Variants in COL25A1 observed in about 807,000 individuals in gnomAD.
COL25A1 encodes the protein collagen type XXV alpha 1 chain, also known as collagen alpha-1(XXV) chain.
Under a neutral mutation model 128.4 loss-of-function variants are expected in COL25A1, and 103 were observed. The observed-to-expected ratio is 0.80, with a 90% CI of 0.68 to 0.94. COL25A1 has a LOEUF of 0.94. Among genes scored for constraint, COL25A1 ranks in the 40% least tolerant of loss-of-function variants. The pLI is 0.00. For synonymous variants in COL25A1, 279 were observed against 277.2 expected, an observed-to-expected ratio of 1.01 and a Z score of -0.06; for missense variants, 745 against 840.0, an observed-to-expected ratio of 0.89 and a Z score of 1.40.
intron 13 of COL25A1, among the ~76,000 whole-genome samples, chr4:108,915,594 C>CT (rs1231476404): frequency 1.3e-5 from 2 of 151,920 alleles, no homozygotes; most frequent in Non-Finnish European, 2.9e-5. Flanking sequence ...ATATTTCTTA[C>CT]TTTTTTCTTT....
intron 3 of COL25A1, among the ~76,000 whole-genome samples, chr4:109,063,927 GA>G (rs972429216): frequency 2.0e-5 from 3 of 152,184 alleles, no homozygotes; most frequent in African/African-American, 7.2e-5. Flanking sequence ...AGGAATTAGG[GA>G]AGCCAATTAT....
At chr4:109,215,687 C>A (rs2189705) in intron 3 of COL25A1, among the ~76,000 whole-genome samples, 13,136 of 152,138 alleles carry the variant, frequency 0.086, 1,183 homozygotes, top group African/African-American at 0.23. Context: ...ATGCCTTCCA[C>A]ATTGTATCAG....
At chr4:109,203,854 G>C (rs1474322906) in intron 3 of COL25A1, among the ~76,000 whole-genome samples, 1 of 151,940 alleles carries the variant, frequency 6.6e-6, no homozygotes, top group African/African-American at 2.4e-5. Flanking sequence ...ATAAACATCA[G>C]TGAATATTTT....
intron 16 of COL25A1, among the ~76,000 whole-genome samples, chr4:108,894,025 TA>T (rs992002695): frequency 3.3e-5 from 5 of 151,880 alleles, no homozygotes; most frequent in African/African-American, 9.7e-5. Flanking sequence ...AACTTTTTGA[TA>T]AAAAAAAGAA....
intron 13 of COL25A1, 124 bp downstream of exon 13, chr4:108,918,048 G>T: frequency 2.1e-6 from 1 of 468,364 alleles, no homozygotes; most frequent in Non-Finnish European, 3.7e-6. Context: ...CAATTTTCCT[G>T]TATTTCAAAA....
intron 3 of COL25A1, among the ~76,000 whole-genome samples, chr4:109,103,201 A>G (rs2126025290): frequency 6.6e-6 from 1 of 152,292 alleles, no homozygotes; most frequent in Non-Finnish European, 1.5e-5. Context: ...TGCAAAACAA[A>G]TAAGAAACCA....
At chr4:109,140,255 A>T (rs575788919) in intron 3 of COL25A1, among the ~76,000 whole-genome samples, 11 of 152,086 alleles carry the variant, frequency 7.2e-5, no homozygotes, top group Non-Finnish European at 1.6e-4. Flanking sequence ...GTGTGGTGTT[A>T]TTTCTAAGGC....
At chr4:109,026,310 G>A (rs1249988831) in intron 5 of COL25A1, among the ~76,000 whole-genome samples, 2 of 152,104 alleles carry the variant, frequency 1.3e-5, no homozygotes, top group African/African-American at 4.8e-5. Flanking sequence ...CAAAATTAGA[G>A]TTACAGAAAT....
At chr4:108,920,331 C>T (rs964775347) in intron 12 of COL25A1, among the ~76,000 whole-genome samples, 28 of 152,106 alleles carry the variant, frequency 1.8e-4, no homozygotes, top group African/African-American at 6.3e-4. Flanking sequence ...AATTAAAATT[C>T]AATAATGTAC....
chr4:109,172,430 G>A (rs1237794128), intron 3 of COL25A1, among the ~76,000 whole-genome samples: 1 of 152,122 alleles, frequency 6.6e-6, no homozygotes, highest in Admixed American at 6.6e-5. Context: ...TCTAAGTTGG[G>A]ACCTGAAGAT....
intron 37 of COL25A1, 34 bp downstream of exon 37, chr4:108,817,363 T>G (rs775535642): frequency 6.2e-7 from 1 of 1,606,798 alleles, no homozygotes; most frequent in Non-Finnish European, 8.5e-7. Flanking sequence ...AAAGGGAGAG[T>G]GCTTCTTTTG....
At chr4:108,953,689 G>T (rs1382036582) in intron 8 of COL25A1, among the ~76,000 whole-genome samples, 3 of 151,624 alleles carry the variant, frequency 2.0e-5, no homozygotes, top group African/African-American at 7.3e-5. Context: ...TGAGAAACAA[G>T]AAATGAAAGT....
intron 3 of COL25A1, among the ~76,000 whole-genome samples, chr4:109,222,795 T>C (rs370911259): frequency 1.3e-5 from 2 of 152,224 alleles, no homozygotes; most frequent in Admixed American, 6.5e-5. Flanking sequence ...AAAAACTGCA[T>C]TGTTTTAAAT....
intron 3 of COL25A1, among the ~76,000 whole-genome samples, chr4:109,227,447 C>T (rs570522407): frequency 1.3e-5 from 2 of 152,232 alleles, no homozygotes; most frequent in East Asian, 3.9e-4. Context: ...GCTGGCATTG[C>T]CACTTTTCTA....
At chr4:108,975,923 G>A (rs1484969188) in intron 6 of COL25A1, among the ~76,000 whole-genome samples, 7 of 152,076 alleles carry the variant, frequency 4.6e-5, no homozygotes, top group Non-Finnish European at 1.0e-4. Flanking sequence ...GTAGGTAGAT[G>A]TAGAGTTATT....
intron 3 of COL25A1, among the ~76,000 whole-genome samples, chr4:109,087,856 A>C (rs1212640931): frequency 1.3e-5 from 2 of 151,984 alleles, no homozygotes; most frequent in Non-Finnish European, 2.9e-5. Flanking sequence ...CAGTGGACTG[A>C]GATATACACT....
chr4:109,009,689 T>A (rs1032830230), intron 6 of COL25A1, among the ~76,000 whole-genome samples: 2 of 152,208 alleles, frequency 1.3e-5, no homozygotes, highest in Admixed American at 6.5e-5. Flanking sequence ...TTCTTCTCTA[T>A]AGAATCCTAG....
At chr4:109,065,065 G>A (rs1455552199) in intron 3 of COL25A1, among the ~76,000 whole-genome samples, 1 of 152,182 alleles carries the variant, frequency 6.6e-6, no homozygotes, top group Non-Finnish European at 1.5e-5. Flanking sequence ...TAATGAATGA[G>A]AGCAATGTGC....
At position 108,822,043 on chromosome 4, in the gene COL25A1, A is replaced by ATTTTTTTTTTTTTTTTTTTT. The variant is rs10567518; in HGVS notation, c.1845+2130_1845+2131insAAAAAAAAAAAAAAAAAAAA. 4.0e-3 allele frequency among the ~76,000 whole-genome samples: 362 copies of ATTTTTTTTTTTTTTTTTTTT among 89,942 alleles called. 67 individuals carry two copies. Among genetic ancestry groups the ATTTTTTTTTTTTTTTTTTTT allele is most frequent in the Non-Finnish European group, 6.4e-3 (298 of 46,822 alleles). 59.0% of individuals were successfully genotyped at this position (89,942 alleles called of 152,430 possible). A position where few individuals can be genotyped will look rare whatever the true frequency, so the allele number is the denominator to read the frequency against. On this transcript the variant is annotated intron_variant, in intron 35 of 37. Transcript: ENST00000399132. Reference sequence around the variant, plus strand: ...AAACGTGAGTATCCTCCTAATGGTAATTTTTTTTTTTTTTTTTGGGACAGG... The same window carrying ATTTTTTTTTTTTTTTTTTTT: ...AAACGTGAGTATCCTCCTAATGGTAATTTTTTTTTTTTTTTTTTTTTTTTTTTTTTTTTTTTTGGGACAGG...
Sources: allele counts gnomAD v4.1 joint callset (sites outside exome capture counted in the v4.1 genomes callset), GRCh38; gene constraint gnomAD v4.1.1; transcripts MANE v1.5; gene names NCBI Gene and HGNC (gene_info 2026-07-23, HGNC 2026-07-21).